Variants in SLC11A2 observed in about 807,000 individuals in gnomAD.
SLC11A2 encodes the protein natural resistance-associated macrophage protein 2.
A neutral mutation model predicts 68.0 loss-of-function variants in SLC11A2; 38 were observed. The observed-to-expected ratio is 0.56, with a 90% CI of 0.43 to 0.73. The LOEUF (loss-of-function observed/expected upper bound fraction) is 0.73, where lower values mean the gene tolerates loss of function less well. Ranked by LOEUF, SLC11A2 falls within the 30% of genes least tolerant of loss-of-function variation. The pLI is 0.00. For synonymous variants in SLC11A2, 242 were observed against 250.6 expected, an observed-to-expected ratio of 0.97 and a Z score of 0.32; for missense variants, 517 against 690.5, an observed-to-expected ratio of 0.75 and a Z score of 2.82.
chr12:50,991,769 A>G (rs1941177116), intron 13 of SLC11A2, 97 bp from the exon 14 acceptor site: 2 of 894,330 alleles, frequency 2.2e-6, no homozygotes, highest in Admixed American at 4.0e-5. Context: ...ATGCTGCCTC[A>G]ACTACTCCAT....
chr12:50,996,317 G>A (rs1941696451), intron 9 of SLC11A2, among the ~76,000 whole-genome samples: 1 of 152,198 alleles, frequency 6.6e-6, no homozygotes, highest in Non-Finnish European at 1.5e-5. Flanking sequence ...GCTCACGCCT[G>A]TAATCCCAGC....
At position 51,013,638 on chromosome 12, in the gene SLC11A2, A is replaced by G. The variant is rs1592420792; in HGVS notation, c.-38-2872T>C. ...GTCTGTGGTGCCAGCTACTTGGGAGACTGAACTAGGAGAACTGCTTGAGCC... is the reference window on the plus strand; with the variant it reads ...GTCTGTGGTGCCAGCTACTTGGGAGGCTGAACTAGGAGAACTGCTTGAGCC... On this transcript the variant is annotated intron_variant, in intron 1 of 15. Transcript: ENST00000262052. 4.6e-5 allele frequency among the ~76,000 whole-genome samples: 7 copies of G among 151,670 alleles called. No homozygotes were observed. The South Asian group carries it at 1.5e-3, about 32-fold the overall frequency.
downstream of SLC11A2, chr12:50,981,584 C>T (rs1940027121): frequency 1.5e-6 from 1 of 659,320 alleles, no homozygotes; most frequent in Non-Finnish European, 2.8e-6. Context: ...GTTTTGAACA[C>T]CCTTCCCATG....
chr12:51,028,270 A>G (rs549851128), upstream of SLC11A2: 2 of 1,476,514 alleles, frequency 1.4e-6, no homozygotes, highest in Non-Finnish European at 1.8e-6. Context: ...TCCTGCCTCT[A>G]TATATGAAGA....
At chr12:51,002,464 C>T (rs1344193126) in intron 5 of SLC11A2, among the ~76,000 whole-genome samples, 1 of 151,576 alleles carries the variant, frequency 6.6e-6, no homozygotes, top group Non-Finnish European at 1.5e-5. Context: ...CATGGTGAAA[C>T]CCTGTCTCTA....
At position 50,988,453 on chromosome 12, in the gene SLC11A2, G is replaced by A. The variant is rs1469022124; in HGVS notation, c.1576-18C>T. ...TGCCAACCCTGAAAGACAAAATATGGTCATCACTCACCAGGCTCTTTGAAG... is the reference window on the plus strand; with the variant it reads ...TGCCAACCCTGAAAGACAAAATATGATCATCACTCACCAGGCTCTTTGAAG... On this transcript the variant is annotated intron_variant, in intron 15 of 15. Transcript: ENST00000262052. 1.9e-6 allele frequency: 3 copies of A among 1,613,464 alleles called. No individual in the cohort carries two copies. The highest frequency in any genetic ancestry group is 3.3e-5 in the Admixed American group (2 of 59,954).
intron 1 of SLC11A2, among the ~76,000 whole-genome samples, chr12:51,012,775 C>T (rs1379481889): frequency 1.3e-5 from 2 of 152,170 alleles, no homozygotes; most frequent in Admixed American, 1.3e-4. Flanking sequence ...TATATTACAA[C>T]GGACAACTAG....
the SLC11A2 span, among the ~76,000 whole-genome samples, chr12:50,958,607 A>G: frequency 6.6e-6 from 1 of 152,072 alleles, no homozygotes; most frequent in Non-Finnish European, 1.5e-5. Context: ...AAAACAAGAT[A>G]AAAGTGGAAA....
At chr12:51,018,884 G>T (rs1943850510) in intron 1 of SLC11A2, among the ~76,000 whole-genome samples, 1 of 152,166 alleles carries the variant, frequency 6.6e-6, no homozygotes, top group African/African-American at 2.4e-5. Flanking sequence ...AGCTGAAAAG[G>T]TCTCCCTAAA....
chr12:50,965,729 AT>A, the SLC11A2 span, among the ~76,000 whole-genome samples: 5 of 152,182 alleles, frequency 3.3e-5, no homozygotes. Context: ...AAAATCCCCC[AT>A]AAATGTGATT....
In SLC11A2 at chr12:50,986,206, CA is replaced by C. The variant is rs1299072635; in HGVS notation, c.*2118del. On this transcript the variant is annotated 3_prime_UTR_variant, in exon 16 of 16. Transcript: ENST00000262052. ...AACAAGAACCAATTTATATAAAGTA[CA>C]ATTGTATATCCTTAAACATTCCACA... is the stretch of plus-strand genomic sequence containing the variant. 7.8e-7 allele frequency: 1 copy of C among 1,283,042 alleles called. No homozygotes were observed. The highest frequency in any genetic ancestry group is 1.0e-6 in the Non-Finnish European group (1 of 985,058). 79.5% of individuals were successfully genotyped at this position (1,283,042 alleles called of 1,614,324 possible). A position where few individuals can be genotyped will look rare whatever the true frequency, so the allele number is the denominator to read the frequency against.
chr12:51,014,575 G>A (rs1943478719), intron 1 of SLC11A2, among the ~76,000 whole-genome samples: 1 of 152,214 alleles, frequency 6.6e-6, no homozygotes, highest in South Asian at 2.1e-4. Context: ...CTTGGGGCCG[G>A]AGGCGGTGGC....
upstream of SLC11A2, chr12:51,028,641 A>T (rs1944472109): frequency 5.8e-6 from 1 of 172,564 alleles, no homozygotes; most frequent in African/African-American, 2.4e-5. Context: ...GTGCACTAGG[A>T]CTCTGCTCCT....
At position 50,988,295 on chromosome 12, in the gene SLC11A2, G is replaced by T; in HGVS notation, c.*30C>A. 1 of 1,613,646 alleles carries T rather than the reference G, an allele frequency of 6.2e-7. No individual in the cohort carries two copies. The highest frequency in any genetic ancestry group is 8.5e-7 in the Non-Finnish European group (1 of 1,179,710). ...CCATAGAAACACACTGGCTCTGATG[G>T]CTACCTGCAGAAGACAGACTAATCC... On this transcript the variant is annotated 3_prime_UTR_variant, in exon 16 of 16. Coordinates refer to ENST00000262052, the MANE Select transcript of SLC11A2 (RefSeq NM_000617.3).
chr12:50,987,783 T>G lies in SLC11A2; in HGVS notation c.*542A>C. On this transcript the variant is annotated 3_prime_UTR_variant, in exon 16 of 16. Coordinates refer to ENST00000262052, the MANE Select transcript of SLC11A2 (RefSeq NM_000617.3). ...TAAGTTCAAAGAATCCTAAGCCTGA[T>G]AGAGCTAGGTGTCTCTTCATTTTAT... The G allele has an allele frequency of 3.9e-6, 5 of 1,284,756 alleles. No individual in the cohort carries two copies. Among genetic ancestry groups the G allele is most frequent in the Non-Finnish European group, 5.1e-6 (5 of 987,598 alleles). 79.6% of individuals were successfully genotyped at this position (1,284,756 alleles called of 1,614,324 possible).
intron 8 of SLC11A2, among the ~76,000 whole-genome samples, chr12:50,998,597 CAT>C: frequency 6.6e-6 from 1 of 152,200 alleles, no homozygotes; most frequent in East Asian, 1.9e-4. Flanking sequence ...CCATAGATTA[CAT>C]ATATTTTTTA....
At chr12:50,971,543 A>G in the SLC11A2 span, among the ~76,000 whole-genome samples, 1 of 152,190 alleles carries the variant, frequency 6.6e-6, no homozygotes, top group African/African-American at 2.4e-5. Flanking sequence ...ACTGTAGAAA[A>G]CACAAGAAAC....
In SLC11A2 at chr12:50,987,284, T is replaced by A. The variant is rs779795966; in HGVS notation, c.*1041A>T. On this transcript the variant is annotated 3_prime_UTR_variant, in exon 16 of 16. Transcript: ENST00000262052. ...GCAGAGAACGCTGAGAAAGACAGTG[T>A]GCTTTGCAACGGTTAAGTCCACAGC... The A allele has an allele frequency of 1.1e-5, 14 of 1,287,072 alleles. No homozygotes were observed. The South Asian group carries it at 1.7e-4, about 16-fold the overall frequency. 79.7% of individuals were successfully genotyped at this position (1,287,072 alleles called of 1,614,324 possible). A position where few individuals can be genotyped will look rare whatever the true frequency, so the allele number is the denominator to read the frequency against.
chr12:51,028,122 G>A (rs2136457787), upstream of SLC11A2: 3 of 1,171,078 alleles, frequency 2.6e-6, no homozygotes, highest in Non-Finnish European at 3.6e-6. Context: ...TGCTAGAGCT[G>A]TACTTGTCAC....
Sources: gnomAD v4.1 joint callset for allele counts (sites outside exome capture counted in the v4.1 genomes callset) on GRCh38, gnomAD v4.1.1 for gene constraint, MANE v1.5 for transcripts, NCBI Gene and HGNC (gene_info 2026-07-23, HGNC 2026-07-21) for gene names.